Variants in CAMK4 observed in about 807,000 individuals in gnomAD.
CAMK4 encodes the protein calcium/calmodulin-dependent protein kinase type IV.
Under a neutral mutation model 44.9 loss-of-function variants are expected in CAMK4, and 22 were observed. The observed-to-expected ratio is 0.49, with a 90% confidence interval of 0.35 to 0.70. The LOEUF is 0.70. CAMK4 is among the 30% of genes least tolerant of loss of function. The pLI is 0.01. For missense variants in CAMK4, 498 were observed against 586.8 expected (o/e 0.85, Z 1.56); for synonymous variants, 218 against 215.4 (o/e 1.01, Z -0.11).
intron 2 of CAMK4, among the ~76,000 whole-genome samples, chr5:111,365,710 G>T (rs978420684): frequency 3.3e-5 from 5 of 151,994 alleles, no homozygotes; most frequent in African/African-American, 2.4e-5. Context: ...TTTCTTCATG[G>T]ACCAAAAACA....
intron 2 of CAMK4, among the ~76,000 whole-genome samples, chr5:111,368,074 C>A (rs1423133553): frequency 2.0e-5 from 3 of 151,736 alleles, no homozygotes; most frequent in Admixed American, 1.3e-4. Flanking sequence ...GCTAATTAGC[C>A]CAAGTTAAGA....
chr5:111,344,072 G>A lies in CAMK4; in HGVS notation c.210G>A (p.Lys70=), dbSNP rs371545365. Residue 70 remains lysine (K), a synonymous_variant, in exon 2 of 11, where the codon AAG becomes AAA. Coordinates refer to ENST00000282356, the MANE Select transcript of CAMK4 (RefSeq NM_001744.6). The part of the protein sequence containing the change: ...VYRCKQKGTQ[K]PYALKVLKKT... ...GATGCAAACAGAAGGGGACCCAGAA[G>A]CCTTATGCTCTCAAAGTGTTAAAGA... is the stretch of plus-strand genomic sequence containing the variant. 3 of 1,606,546 alleles carry A rather than the reference G, an allele frequency of 1.9e-6. No homozygotes were observed. The highest frequency in any genetic ancestry group is 2.6e-6 in the Non-Finnish European group (3 of 1,174,082).
intron 5 of CAMK4, among the ~76,000 whole-genome samples, chr5:111,443,279 T>TATACACAC (rs1401315422): frequency 2.7e-5 from 1 of 37,464 alleles, no homozygotes; most frequent in Non-Finnish European, 5.4e-5. Flanking sequence ...TATATATATA[T>TATACACAC]ACACACACAC....
At chr5:111,299,876 T>C (rs1268474261) in intron 1 of CAMK4, among the ~76,000 whole-genome samples, 3 of 152,232 alleles carry the variant, frequency 2.0e-5, no homozygotes, top group African/African-American at 4.8e-5. Context: ...TATGACATAG[T>C]ATCGGTGTTT....
chr5:111,343,010 A>C (rs1295963237), intron 1 of CAMK4, among the ~76,000 whole-genome samples: 1 of 151,706 alleles, frequency 6.6e-6, no homozygotes, highest in Non-Finnish European at 1.5e-5. Context: ...AAAGCAATTT[A>C]AAATAAGGAA....
chr5:111,251,804 C>T (rs531012511), intron 1 of CAMK4, among the ~76,000 whole-genome samples: 10 of 152,202 alleles, frequency 6.6e-5, no homozygotes, highest in Non-Finnish European at 1.3e-4. Context: ...TTTCCTGGTA[C>T]ACAAGGTACA....
chr5:111,425,582 T>C lies in CAMK4; in HGVS notation c.460-21104T>C, dbSNP rs74449867. On this transcript the variant is annotated intron_variant, in intron 5 of 10. Transcript: ENST00000282356. ...ACTTTCTTCATTCATTTGCCCAACT[T>C]TTTTAAGTACCAGGAATGATGAGAA... Among the ~76,000 whole-genome samples, 69 of 152,336 alleles carry C rather than the reference T, an allele frequency of 4.5e-4. No homozygotes were observed. The East Asian group carries it at 8.7e-3, about 19-fold the overall frequency.
chr5:111,438,502 T>C (rs1402337477), intron 5 of CAMK4, among the ~76,000 whole-genome samples: 1 of 152,218 alleles, frequency 6.6e-6, no homozygotes, highest in East Asian at 1.9e-4. Context: ...AGAAAATTTA[T>C]TGTAAAAAAT....
chr5:111,463,997 C>A lies in CAMK4; in HGVS notation c.626-9314C>A, dbSNP rs545437476. ...CAATGGATCCAAACCAAAAAGAAATCCCTGAATTGGCAGAAAAAAAATTCA... is the reference window on the plus strand; with the variant it reads ...CAATGGATCCAAACCAAAAAGAAATACCTGAATTGGCAGAAAAAAAATTCA... On this transcript the variant is annotated intron_variant, in intron 7 of 10. Coordinates refer to ENST00000282356, the MANE Select transcript of CAMK4 (RefSeq NM_001744.6). Among the ~76,000 whole-genome samples, 115 of 151,914 alleles carry A rather than the reference C, an allele frequency of 7.6e-4. 1 individual carries two copies. Among genetic ancestry groups the A allele is most frequent in the African/African-American group, 2.5e-3 (105 of 41,402 alleles).
intron 5 of CAMK4, among the ~76,000 whole-genome samples, chr5:111,395,548 A>G (rs2112863677): frequency 6.6e-6 from 1 of 152,236 alleles, no homozygotes; most frequent in South Asian, 2.1e-4. Context: ...CAGAAAAGAA[A>G]TGAGTTAATT....
At chr5:111,352,140 A>G (rs556780999) in intron 2 of CAMK4, among the ~76,000 whole-genome samples, 7 of 152,254 alleles carry the variant, frequency 4.6e-5, no homozygotes, top group Non-Finnish European at 8.8e-5. Flanking sequence ...TTTTCAGGGG[A>G]CACAAATACT....
intron 1 of CAMK4, among the ~76,000 whole-genome samples, chr5:111,243,674 CA>C (rs1332146755): frequency 1.3e-5 from 2 of 152,142 alleles, no homozygotes; most frequent in African/African-American, 4.8e-5. Flanking sequence ...TTTGTTTTTG[CA>C]CCTTCTGAAG....
Position 111,280,671 on chromosome 5 carries a change from A to G in CAMK4, c.161+56027A>G, listed in dbSNP as rs190495895. Reference sequence around the variant, plus strand: ...CTGAAAGGTTTGCTGAGACACGTGCAGCCGTGTAAATCTCTGAGATGTGGG... The same window carrying G: ...CTGAAAGGTTTGCTGAGACACGTGCGGCCGTGTAAATCTCTGAGATGTGGG... On this transcript the variant is annotated intron_variant, in intron 1 of 10. Coordinates refer to ENST00000282356, the MANE Select transcript of CAMK4 (RefSeq NM_001744.6). 1.7e-3 allele frequency among the ~76,000 whole-genome samples: 264 copies of G among 152,352 alleles called. 1 individual carries two copies. Among genetic ancestry groups the G allele is most frequent in the Middle Eastern group, 3.4e-3 (1 of 294 alleles).
At chr5:111,458,035 C>T (rs750804008) in intron 7 of CAMK4, among the ~76,000 whole-genome samples, 9 of 152,108 alleles carry the variant, frequency 5.9e-5, no homozygotes, top group African/African-American at 1.7e-4. Context: ...AATGGGAAAA[C>T]GACCATCAGG....
chr5:111,327,904 A>G (rs957673378), intron 1 of CAMK4, among the ~76,000 whole-genome samples: 2 of 132,930 alleles, frequency 1.5e-5, no homozygotes, highest in Non-Finnish European at 3.2e-5. Context: ...TAGATTCTGG[A>G]TATTAGCCCT....
chr5:111,241,641 C>T (rs1394000168), intron 1 of CAMK4, among the ~76,000 whole-genome samples: 2 of 152,228 alleles, frequency 1.3e-5, no homozygotes, highest in East Asian at 1.9e-4. Flanking sequence ...ACATAAATTG[C>T]TTATCGTTCT....
At chr5:111,248,957 G>A (rs561221399) in intron 1 of CAMK4, among the ~76,000 whole-genome samples, 15 of 151,042 alleles carry the variant, frequency 9.9e-5, no homozygotes, top group Middle Eastern at 6.8e-3. Context: ...TTCCTATTGC[G>A]GGGGCGGTGT....
At chr5:111,250,375 A>G (rs962342548) in intron 1 of CAMK4, among the ~76,000 whole-genome samples, 1 of 152,164 alleles carries the variant, frequency 6.6e-6, no homozygotes, top group African/African-American at 2.4e-5. Flanking sequence ...GATATTCTCT[A>G]CTGACTCTTC....
intron 7 of CAMK4, among the ~76,000 whole-genome samples, chr5:111,472,046 C>G (rs897436138): frequency 1.3e-5 from 2 of 152,072 alleles, no homozygotes; most frequent in Non-Finnish European, 2.9e-5. Context: ...GCACCTACCA[C>G]CATGCCTGGC....
Sources: gnomAD v4.1 joint callset for allele counts (sites outside exome capture counted in the v4.1 genomes callset) on GRCh38, gnomAD v4.1.1 for gene constraint, MANE v1.5 for transcripts, NCBI Gene and HGNC (gene_info 2026-07-23, HGNC 2026-07-21) for gene names.